Variants in STK3 observed in about 807,000 individuals in gnomAD.
STK3 encodes serine/threonine-protein kinase 3.
Under a neutral mutation model 58.0 loss-of-function variants are expected in STK3, and 41 were observed. That is an observed-to-expected ratio of 0.71 (90% CI 0.55 to 0.92). The LOEUF is 0.92. Among genes scored for constraint, STK3 ranks in the 40% least tolerant of loss-of-function variants. The probability of loss-of-function intolerance (pLI) is 0.00; values close to 1 mark genes in which losing one functional copy is unlikely to be tolerated. For missense variants in STK3, 479 were observed against 602.7 expected, an observed-to-expected ratio of 0.79 and a Z score of 2.15; for synonymous variants, 170 against 191.0, an observed-to-expected ratio of 0.89 and a Z score of 0.91.
intron 1 of STK3, among the ~76,000 whole-genome samples, chr8:98,788,295 G>A (rs374266508): frequency 1.5e-4 from 23 of 151,830 alleles, no homozygotes; most frequent in South Asian, 4.2e-4. Context: ...AAAATTAGCC[G>A]GGCGTGGTGG....
chr8:98,717,142 G>T (rs1827080049), intron 4 of STK3, among the ~76,000 whole-genome samples: 2 of 151,112 alleles, frequency 1.3e-5, no homozygotes, highest in African/African-American at 4.9e-5. Flanking sequence ...GACCAAAAAG[G>T]CACAGAGAAC....
intron 3 of STK3, chr8:98,427,167 A>G (rs1235309085): frequency 6.7e-6 from 1 of 149,908 alleles, no homozygotes; most frequent in Non-Finnish European, 1.5e-5. Context: ...ACCCGGCCCG[A>G]GACGGGAGGA....
chr8:98,568,040 AGAGT>A (rs1812632964), intron 8 of STK3, among the ~76,000 whole-genome samples: 1 of 151,858 alleles, frequency 6.6e-6, no homozygotes, highest in Non-Finnish European at 1.5e-5. Flanking sequence ...CCTGAGCAGC[AGAGT>A]GAGACTGTCT....
intron 10 of STK3, chr8:98,463,080 T>C (rs1820136874): frequency 6.6e-6 from 1 of 151,954 alleles, no homozygotes; most frequent in African/African-American, 2.4e-5. Flanking sequence ...AGAAAATCTT[T>C]ATAAAGTGTT....
At chr8:98,812,937 A>C (rs545487832) in intron 1 of STK3, among the ~76,000 whole-genome samples, 1 of 152,208 alleles carries the variant, frequency 6.6e-6, no homozygotes, top group East Asian at 1.9e-4. Flanking sequence ...CCTAATGTAA[A>C]TGACAAGTTA....
chr8:98,785,228 G>C (rs1832385403), intron 1 of STK3, among the ~76,000 whole-genome samples: 1 of 152,168 alleles, frequency 6.6e-6, no homozygotes, highest in African/African-American at 2.4e-5. Flanking sequence ...GCACCTGCTT[G>C]CCTGGTTCAG....
At chr8:98,614,061 G>T (rs1406864325) in intron 6 of STK3, among the ~76,000 whole-genome samples, 1 of 152,006 alleles carries the variant, frequency 6.6e-6, no homozygotes, top group Non-Finnish European at 1.5e-5. Context: ...ACTAAAACTT[G>T]AAAGGAGAAA....
chr8:98,411,093 T>G (rs1818051037), intron 3 of STK3, among the ~76,000 whole-genome samples: 1 of 152,228 alleles, frequency 6.6e-6, no homozygotes, highest in African/African-American at 2.4e-5. Context: ...GCCTACTAAG[T>G]GTAACCCACA....
At chr8:98,592,665 T>G (rs1815419698) in intron 7 of STK3, among the ~76,000 whole-genome samples, 1 of 152,096 alleles carries the variant, frequency 6.6e-6, no homozygotes, top group African/African-American at 2.4e-5. Context: ...TGAAGTTGTG[T>G]TGTAAGTACC....
chr8:98,907,667 G>A (rs547404503), intron 1 of STK3, among the ~76,000 whole-genome samples: 15 of 152,198 alleles, frequency 9.9e-5, no homozygotes, highest in African/African-American at 3.1e-4. Flanking sequence ...TATGTATCCC[G>A]AAGAGAAAGC....
At chr8:98,879,769 A>G (rs938114597), downstream of STK3, 2 of 152,250 alleles carry the variant, frequency 1.3e-5, no homozygotes, top group Admixed American at 1.3e-4. Context: ...ACTGAGAAAT[A>G]TCTTCAGGGA....
At chr8:98,594,529 GGCAGAGGTTGCAGTGAGCCAGGTGCCACT>G (rs1273455767) in intron 7 of STK3, among the ~76,000 whole-genome samples, 3 of 152,084 alleles carry the variant, frequency 2.0e-5, no homozygotes, top group African/African-American at 4.8e-5. Flanking sequence ...GAAACCAAGA[GGCAGAGGTTGCAGTGAGCCAGGTGCCACT>G]GCACTCTAGC....
At chr8:98,660,047 A>G (rs1248633850) in intron 6 of STK3, among the ~76,000 whole-genome samples, 1 of 152,044 alleles carries the variant, frequency 6.6e-6, no homozygotes, top group Non-Finnish European at 1.5e-5. Context: ...ATGAATGGAT[A>G]AACAAAACGT....
intron 8 of STK3, among the ~76,000 whole-genome samples, chr8:98,563,122 G>A (rs956522002): frequency 6.6e-6 from 1 of 152,080 alleles, no homozygotes; most frequent in African/African-American, 2.4e-5. Flanking sequence ...AGTGAACTGT[G>A]AATTCTGTTA....
At chr8:98,741,672 C>A (rs1220404537) in intron 4 of STK3, among the ~76,000 whole-genome samples, 1 of 152,056 alleles carries the variant, frequency 6.6e-6, no homozygotes, top group Non-Finnish European at 1.5e-5. Flanking sequence ...ACCCTAACAT[C>A]ACAATTAAAA....
At chr8:98,666,265 G>C (rs1246589035) in intron 6 of STK3, among the ~76,000 whole-genome samples, 1 of 151,078 alleles carries the variant, frequency 6.6e-6, no homozygotes, top group Non-Finnish European at 1.5e-5. Flanking sequence ...GTAACATATA[G>C]AATAAAGTAA....
rs1825088232 is a variant in STK3, at chr8:98,697,558, T to A, written c.684+8909A>T. On this transcript the variant is annotated intron_variant, in intron 6 of 10. Transcript: ENST00000419617. The stretch of plus-strand genomic sequence containing the variant: ...GTCCCAGAGATTCTTGTATATTGTG[T>A]CTTTGCTATCATTGGTTTCAAAGAA... 1.3e-5 allele frequency among the ~76,000 whole-genome samples: 2 copies of A among 152,234 alleles called. 1 individual carries two copies. The highest frequency in any genetic ancestry group is 1.3e-4 in the Admixed American group (2 of 15,288).
chr8:98,554,225 G>A (rs535650641), intron 8 of STK3, among the ~76,000 whole-genome samples: 1 of 152,260 alleles, frequency 6.6e-6, no homozygotes, highest in East Asian at 1.9e-4. Flanking sequence ...GAAGTAAAGA[G>A]ATGAAGATGA....
chr8:98,402,698 A>G (rs1414450083), intron 3 of STK3, among the ~76,000 whole-genome samples: 2 of 152,206 alleles, frequency 1.3e-5, no homozygotes, highest in African/African-American at 4.8e-5. Context: ...GTGCAGGGCC[A>G]GCCAGGCGAG....
Sources: allele counts gnomAD v4.1 joint callset (sites outside exome capture counted in the v4.1 genomes callset), GRCh38; gene constraint gnomAD v4.1.1; transcripts MANE v1.5; gene names NCBI Gene and HGNC (gene_info 2026-07-23, HGNC 2026-07-21).